Variants in POU6F2 observed in about 807,000 individuals in gnomAD.
POU6F2 encodes the protein POU domain, class 6, transcription factor 2.
Under a neutral mutation model 71.3 loss-of-function variants are expected in POU6F2, and 31 were observed. The ratio of observed to expected loss-of-function variants is 0.43; its 90% CI spans 0.33 to 0.59. The LOEUF is 0.59. Among genes scored for constraint, POU6F2 ranks in the 20% least tolerant of loss-of-function variants. The pLI, the probability that POU6F2 is intolerant of heterozygous loss-of-function variation, is 0.04. For missense variants in POU6F2, 783 were observed against 856.8 expected, an observed-to-expected ratio of 0.91 and a Z score of 1.07; for synonymous variants, 347 against 355.7, an observed-to-expected ratio of 0.98 and a Z score of 0.27.
At chr7:39,000,432 C>A (rs1480820177) in intron 1 of POU6F2, among the ~76,000 whole-genome samples, 1 of 151,988 alleles carries the variant, frequency 6.6e-6, no homozygotes, top group Non-Finnish European at 1.5e-5. Context: ...ACACAACAGC[C>A]ACTAATATCA....
intron 2 of POU6F2, among the ~76,000 whole-genome samples, chr7:39,159,018 A>T (rs1196488492): frequency 6.8e-6 from 1 of 148,096 alleles, no homozygotes; most frequent in Non-Finnish European, 1.5e-5. Context: ...CTAACAATTA[A>T]AAAAAAAAAA....
At chr7:39,182,288 A>C (rs1793449776) in intron 2 of POU6F2, among the ~76,000 whole-genome samples, 1 of 152,148 alleles carries the variant, frequency 6.6e-6, no homozygotes, top group Non-Finnish European at 1.5e-5. Context: ...GCTGGTTGCC[A>C]CTCACAAACC....
At chr7:39,122,704 ATTTTTTTTTTT>A (rs1199309217) in intron 2 of POU6F2, among the ~76,000 whole-genome samples, 4 of 117,148 alleles carry the variant, frequency 3.4e-5, no homozygotes, top group Non-Finnish European at 3.5e-5. Context: ...ATGCATGCCT[ATTTTTTTTTTT>A]TTTTTTTTTG....
At chr7:39,118,118 C>T (rs1158545975) in intron 2 of POU6F2, among the ~76,000 whole-genome samples, 1 of 152,158 alleles carries the variant, frequency 6.6e-6, no homozygotes, top group Admixed American at 6.5e-5. Context: ...CAGGGTTCTT[C>T]TCTGGAGAAA....
At chr7:39,370,598 G>T (rs1234539107) in intron 5 of POU6F2, among the ~76,000 whole-genome samples, 1 of 152,164 alleles carries the variant, frequency 6.6e-6, no homozygotes, top group Admixed American at 6.5e-5. Flanking sequence ...GGCCAACTAT[G>T]CCCCCTCCCC....
chr7:39,304,195 T>C (rs1036023373), intron 4 of POU6F2, among the ~76,000 whole-genome samples: 3 of 151,806 alleles, frequency 2.0e-5, no homozygotes, highest in Non-Finnish European at 2.9e-5. Flanking sequence ...CTGCAACACA[T>C]ATGGTAGACT....
chr7:38,991,383 A>G (rs978635948), intron 1 of POU6F2, among the ~76,000 whole-genome samples: 1 of 152,054 alleles, frequency 6.6e-6, no homozygotes, highest in African/African-American at 2.4e-5. Flanking sequence ...CCTGCAACCA[A>G]ATTGGTTTGC....
chr7:39,184,901 C>CAT (rs1793502209), intron 2 of POU6F2, among the ~76,000 whole-genome samples: 1 of 151,946 alleles, frequency 6.6e-6, no homozygotes, highest in African/African-American at 2.4e-5. Flanking sequence ...AAACAGAGGA[C>CAT]ATAGGAAAGG....
intron 6 of POU6F2, among the ~76,000 whole-genome samples, chr7:39,407,520 G>T (rs982200525): frequency 7.3e-5 from 11 of 151,170 alleles, no homozygotes; most frequent in Non-Finnish European, 7.4e-5. Context: ...TGATGTCGGG[G>T]TACCCTCCAT....
intron 5 of POU6F2, among the ~76,000 whole-genome samples, chr7:39,365,316 T>C (rs1334463887): frequency 6.6e-6 from 1 of 152,198 alleles, no homozygotes. Context: ...CAAATGGTGC[T>C]GGGATAATTG....
chr7:39,114,868 A>G (rs1257309811), intron 2 of POU6F2, among the ~76,000 whole-genome samples: 1 of 152,218 alleles, frequency 6.6e-6, no homozygotes, highest in Non-Finnish European at 1.5e-5. Context: ...ACTCACATAC[A>G]TATGTGAGTA....
chr7:39,013,656 C>T (rs1038912841), intron 1 of POU6F2: 1 of 152,162 alleles, frequency 6.6e-6, no homozygotes, highest in Non-Finnish European at 1.5e-5. Flanking sequence ...TTGATTCCGG[C>T]ATGATAATGA....
intron 4 of POU6F2, among the ~76,000 whole-genome samples, chr7:39,211,048 C>T (rs1794133825): frequency 6.6e-6 from 1 of 152,112 alleles, no homozygotes; most frequent in South Asian, 2.1e-4. Context: ...TGTGTCCTCC[C>T]ACCACAGAAG....
At chr7:39,041,073 A>G (rs78786553) in intron 1 of POU6F2, among the ~76,000 whole-genome samples, 5,572 of 152,038 alleles carry the variant, frequency 0.037, 156 homozygotes, top group Middle Eastern at 0.078. Flanking sequence ...TCCTCCTTCA[A>G]TGAGAGATGG....
Position 39,093,004 on chromosome 7 carries a change from T to C in POU6F2, c.277+6973T>C, listed in dbSNP as rs796181825. Among the ~76,000 whole-genome samples the C allele has an allele frequency of 6.6e-5, 10 of 152,250 alleles. 1 individual carries two copies. Among genetic ancestry groups the C allele is most frequent in the African/African-American group, 2.2e-4 (9 of 41,560 alleles). ...TAATTAGCTTCCACTTTAAAAAATT[T>C]CCTAGTATGTTATATGAATGTCTAT... is the stretch of plus-strand genomic sequence containing the variant. On this transcript the variant is annotated intron_variant, in intron 2 of 9. Coordinates refer to ENST00000518318, the MANE Select transcript of POU6F2 (RefSeq NM_001370959.1).
intron 3 of POU6F2, 95 bp downstream of exon 3, chr7:39,204,421 A>C (rs893226994): frequency 1.6e-5 from 16 of 999,122 alleles, no homozygotes; most frequent in Non-Finnish European, 2.2e-5. Flanking sequence ...AATCCAATTG[A>C]CTCCAACAGA....
chr7:39,085,666 G>C (rs1313961180), intron 1 of POU6F2, 194 bp from the exon 2 acceptor site: 2 of 559,674 alleles, frequency 3.6e-6, no homozygotes, highest in Admixed American at 3.0e-5. Context: ...AGAACTCATC[G>C]GATCTGTAAT....
chr7:39,006,044 A>G (rs532166528), intron 1 of POU6F2, among the ~76,000 whole-genome samples: 35 of 152,188 alleles, frequency 2.3e-4, no homozygotes, highest in Non-Finnish European at 4.9e-4. Flanking sequence ...GCCAGCATGT[A>G]TGTGGTGTAT....
intron 5 of POU6F2, among the ~76,000 whole-genome samples, chr7:39,381,171 T>G (rs542991353): frequency 6.6e-6 from 1 of 152,250 alleles, no homozygotes; most frequent in South Asian, 2.1e-4. Flanking sequence ...TTCCAGTGAT[T>G]CTCCTGCCTC....
Sources: gnomAD v4.1 joint callset for allele counts (sites outside exome capture counted in the v4.1 genomes callset) on GRCh38, gnomAD v4.1.1 for gene constraint, MANE v1.5 for transcripts, NCBI Gene and HGNC (gene_info 2026-07-23, HGNC 2026-07-21) for gene names.